The following PRRT1B variants were observed in gnomAD, a reference collection of about 807,000 sequenced individuals.
PRRT1B encodes the protein proline rich transmembrane protein 1B.
At chr9:131,552,870 G>A (rs1362298810) in intron 1 of PRRT1B, among the ~76,000 whole-genome samples, 1 of 117,048 alleles carries the variant, frequency 8.5e-6, no homozygotes, top group African/African-American at 3.7e-5. Flanking sequence ...TATTTTTAGC[G>A]AGACGGGGTT....
At chr9:131,552,839 ATT>A (rs61662684) in intron 1 of PRRT1B, among the ~76,000 whole-genome samples, 509 of 133,768 alleles carry the variant, frequency 3.8e-3, no homozygotes, top group African/African-American at 0.011. Context: ...CACCTGGTTA[ATT>A]TTTTTTTTTT....
chr9:131,555,203 G>A (rs1951041066), intron 2 of PRRT1B, among the ~76,000 whole-genome samples, 174 bp downstream of exon 2: 1 of 152,074 alleles, frequency 6.6e-6, no homozygotes, highest in South Asian at 2.1e-4. Context: ...GAGGGCTAAG[G>A]CAAAGAGAAC....
chr9:131,546,204 G>C (rs553607694), intron 1 of PRRT1B, among the ~76,000 whole-genome samples: 102 of 152,324 alleles, frequency 6.7e-4, no homozygotes, highest in African/African-American at 2.4e-3. Flanking sequence ...ACCCTGGCCA[G>C]GGCGGGGTGG....
chr9:131,558,336 G>A (rs1951063967), exon 4 of PRRT1B: 1 of 397,620 alleles, frequency 2.5e-6, no homozygotes, highest in Admixed American at 4.4e-5. Context: ...GGCCAGAAGA[G>A]GGCAGGCTTG....
chr9:131,553,681 G>A (rs943723194), intron 1 of PRRT1B, among the ~76,000 whole-genome samples: 4 of 152,180 alleles, frequency 2.6e-5, no homozygotes, highest in South Asian at 2.1e-4. Flanking sequence ...AACCCTTAAG[G>A]ACACTTAGGA....
chr9:131,545,652 G>A lies in PRRT1B; in HGVS notation c.25+12G>A. 3 of 400,932 alleles carry A rather than the reference G, an allele frequency of 7.5e-6. No individual in the cohort carries two copies. The highest frequency in any genetic ancestry group is 1.3e-5 in the Non-Finnish European group (3 of 228,102). 24.8% of individuals were successfully genotyped at this position (400,932 alleles called of 1,614,324 possible). ...AGCTGGAGGGGCAGGTGCCGGAGGG[G>A]CAGGTGCTGGTGGGACAGGTACTGG... is the stretch of plus-strand genomic sequence containing the variant. On this transcript the variant is annotated intron_variant, in intron 1 of 3. Transcript: ENST00000636672.
intron 3 of PRRT1B, among the ~76,000 whole-genome samples, chr9:131,556,417 G>C (rs1027101753): frequency 2.6e-5 from 4 of 152,234 alleles, no homozygotes; most frequent in South Asian, 2.1e-4. Context: ...AAAATGTGCT[G>C]TGGAATGTTT....
At chr9:131,557,968 C>A in intron 3 of PRRT1B, 85 bp from the exon 4 acceptor site, 1 of 398,120 alleles carries the variant, frequency 2.5e-6, no homozygotes, top group Non-Finnish European at 4.4e-6. Flanking sequence ...GTTTGTGGAA[C>A]TGGGCCTAGC....
At chr9:131,545,576 G>C in exon 1 of PRRT1B, 1 of 397,726 alleles carries the variant, frequency 2.5e-6, no homozygotes, top group Non-Finnish European at 4.4e-6. Flanking sequence ...CGCCGGGCCA[G>C]GGAGCCGCGC....
intron 1 of PRRT1B, among the ~76,000 whole-genome samples, chr9:131,548,242 A>G (rs753446354): frequency 6.6e-6 from 1 of 151,512 alleles, no homozygotes; most frequent in African/African-American, 2.4e-5. Flanking sequence ...CTGGGGGGCA[A>G]GCATCCCCCA....
chr9:131,554,312 G>A (rs1405120525), intron 1 of PRRT1B, among the ~76,000 whole-genome samples: 1 of 152,192 alleles, frequency 6.6e-6, no homozygotes, highest in Non-Finnish European at 1.5e-5. Flanking sequence ...AAGGAAAGGG[G>A]GTGGGACAGT....
At chr9:131,550,939 C>CTTTTTTTTTTTTTTTTTTTTTTTTTTTTT (rs546049217) in intron 1 of PRRT1B, among the ~76,000 whole-genome samples, 1 of 75,998 alleles carries the variant, frequency 1.3e-5, no homozygotes, top group African/African-American at 5.2e-5. Context: ...TTTTCTTTTT[C>CTTTTTTTTTTTTTTTTTTTTTTTTTTTTT]TTTTTTTTTT....
At chr9:131,556,137 A>G (rs2132012757) in exon 3 of PRRT1B, 1 of 401,172 alleles carries the variant, frequency 2.5e-6, no homozygotes, top group Non-Finnish European at 4.4e-6. Flanking sequence ...CCAAAGGACT[A>G]CATGATGGAG....
chr9:131,556,387 GTC>G (rs1162992768), intron 3 of PRRT1B, among the ~76,000 whole-genome samples, 174 bp downstream of exon 3: 4 of 152,168 alleles, frequency 2.6e-5, no homozygotes, highest in Non-Finnish European at 5.9e-5. Context: ...TGCTCCTCCT[GTC>G]TCTGCCCCCA....
At chr9:131,549,086 C>T (rs1267424210) in intron 1 of PRRT1B, among the ~76,000 whole-genome samples, 3 of 152,174 alleles carry the variant, frequency 2.0e-5, no homozygotes, top group Non-Finnish European at 2.9e-5. Context: ...TCTCAATATA[C>T]ATTTTATTAC....
At chr9:131,559,230 G>GA (rs1418392708), downstream of PRRT1B, among the ~76,000 whole-genome samples, 9 of 54 alleles carry the variant, frequency 0.17, no homozygotes, top group African/African-American at 0.25. Flanking sequence ...GATCACCTGA[G>GA]TCAGGAGTTC....
intron 3 of PRRT1B, among the ~76,000 whole-genome samples, chr9:131,556,712 A>T (rs1286980146): frequency 6.6e-6 from 1 of 151,186 alleles, no homozygotes; most frequent in African/African-American, 2.4e-5. Context: ...GCTCACTGCA[A>T]CCTCCACCCT....
rs371101148 is a variant in PRRT1B at position 131,551,570 on chromosome 9, TG to T, written c.26-2986del. Among the ~76,000 whole-genome samples, 135 of 152,324 alleles carry T rather than the reference TG, an allele frequency of 8.9e-4. 3 individuals carry two copies. In the East Asian group the frequency reaches 0.024, roughly 27 times the overall value. On this transcript the variant is annotated intron_variant, in intron 1 of 3. Transcript: ENST00000636672. This position sits in a 1 kb window ranked among gnomAD's most constrained non-coding sequence, Gnocchi z 4.4. ...CAAAGCTAAGCCATCATATCCCCTG[TG>T]ACCTGCATGTACACATCCAGGTGGC...
chr9:131,552,505 G>A lies in PRRT1B; in HGVS notation c.26-2052G>A, dbSNP rs570581826. On this transcript the variant is annotated intron_variant, in intron 1 of 3. Transcript: ENST00000636672. ...CCTGTTACAATTCCCTGGAGAAGGT[G>A]GGTTTGTTTGGTTTCAGGAGGCAGT... 3.1e-4 allele frequency among the ~76,000 whole-genome samples: 47 copies of A among 152,308 alleles called. 1 individual carries two copies. Among genetic ancestry groups the A allele is most frequent in the Admixed American group, 1.0e-3 (16 of 15,292 alleles).
Sources: gnomAD v4.1 joint callset for allele counts (sites outside exome capture counted in the v4.1 genomes callset) on GRCh38, gnomAD v4.1.1 for gene constraint, Gnocchi (gnomAD v3.1) non-coding constraint, MANE v1.5 for transcripts, NCBI Gene and HGNC (gene_info 2026-07-23, HGNC 2026-07-21) for gene names.